The following ST6GAL1 variants were observed in gnomAD, a reference collection of about 807,000 sequenced individuals.
The protein encoded by ST6GAL1 is beta-galactoside alpha-2,6-sialyltransferase 1.
Under a neutral mutation model 38.0 loss-of-function variants are expected in ST6GAL1, and 20 were observed. The observed-to-expected ratio is 0.53, with a 90% CI of 0.37 to 0.77. The LOEUF is 0.77. Ranked by LOEUF, ST6GAL1 falls within the 30% of genes least tolerant of loss-of-function variation. ST6GAL1 has a pLI of 0.00. For missense variants in ST6GAL1, 432 were observed against 496.4 expected, an observed-to-expected ratio of 0.87 and a Z score of 1.23; for synonymous variants, 196 against 188.2, an observed-to-expected ratio of 1.04 and a Z score of -0.34.
At chr3:187,060,217 G>A (rs1718862234) in intron 5 of ST6GAL1, among the ~76,000 whole-genome samples, 1 of 152,188 alleles carries the variant, frequency 6.6e-6, no homozygotes, top group African/African-American at 2.4e-5. Context: ...CTGGAGTGCA[G>A]TGGCGCGATC....
chr3:187,037,228 A>T (rs955210457), intron 2 of ST6GAL1, among the ~76,000 whole-genome samples: 8 of 152,188 alleles, frequency 5.3e-5, no homozygotes, highest in African/African-American at 1.9e-4. Flanking sequence ...AATGAGTATT[A>T]TCATGTAGAA....
chr3:187,001,006 C>G (rs184852602), intron 2 of ST6GAL1, among the ~76,000 whole-genome samples: 230 of 152,264 alleles, frequency 1.5e-3, no homozygotes, highest in African/African-American at 5.4e-3. Flanking sequence ...TCAGGTGAGG[C>G]CATTGTTGGC....
At chr3:187,051,602 T>G in intron 5 of ST6GAL1, 1 of 417,226 alleles carries the variant, frequency 2.4e-6, no homozygotes, top group East Asian at 4.7e-5. Context: ...AGTTGAGCTG[T>G]CCTTGCTGCT....
chr3:187,000,573 T>G (rs938622754), intron 2 of ST6GAL1, among the ~76,000 whole-genome samples: 1 of 146,490 alleles, frequency 6.8e-6, no homozygotes, highest in African/African-American at 2.5e-5. Flanking sequence ...AAAAAAAAGT[T>G]TATTTTGTTT....
At chr3:187,066,669 TTTG>T (rs1719152586) in intron 5 of ST6GAL1, among the ~76,000 whole-genome samples, 1 of 152,042 alleles carries the variant, frequency 6.6e-6, no homozygotes, top group East Asian at 1.9e-4. Flanking sequence ...CCAGTGAGTA[TTTG>T]TTACTTTCTA....
intron 2 of ST6GAL1, among the ~76,000 whole-genome samples, chr3:187,008,675 T>C (rs1269815284): frequency 6.6e-6 from 1 of 152,166 alleles, no homozygotes; most frequent in Non-Finnish European, 1.5e-5. Flanking sequence ...AAGTTAAAAC[T>C]TGAGGAACAA....
At chr3:186,958,658 A>G (rs1195403889) in intron 1 of ST6GAL1, among the ~76,000 whole-genome samples, 1 of 152,166 alleles carries the variant, frequency 6.6e-6, no homozygotes, top group East Asian at 1.9e-4. Context: ...TGATTTAAAA[A>G]AGGGCTCAAT....
chr3:187,016,433 C>T (rs73071421), intron 2 of ST6GAL1, among the ~76,000 whole-genome samples: 3,604 of 152,214 alleles, frequency 0.024, 144 homozygotes, highest in African/African-American at 0.079. Flanking sequence ...GAGTGGAAGT[C>T]GACACTGGTG....
intron 2 of ST6GAL1, among the ~76,000 whole-genome samples, chr3:186,973,957 A>G (rs983134504): frequency 2.6e-5 from 4 of 152,202 alleles, no homozygotes; most frequent in Non-Finnish European, 4.4e-5. Flanking sequence ...AAAGAGAGAG[A>G]GACAAATGCT....
At chr3:186,955,663 CA>C (rs1714723058) in intron 1 of ST6GAL1, among the ~76,000 whole-genome samples, 1 of 152,032 alleles carries the variant, frequency 6.6e-6, no homozygotes, top group Admixed American at 6.6e-5. Flanking sequence ...CCACCATGCC[CA>C]GCTAATTTTT....
At chr3:187,066,374 G>A (rs1719130717) in intron 5 of ST6GAL1, among the ~76,000 whole-genome samples, 1 of 152,032 alleles carries the variant, frequency 6.6e-6, no homozygotes, top group African/African-American at 2.4e-5. Context: ...CTTGTTGTAA[G>A]GACACTGGCC....
At chr3:186,973,650 A>G (rs1358987950) in intron 2 of ST6GAL1, among the ~76,000 whole-genome samples, 1 of 152,160 alleles carries the variant, frequency 6.6e-6, no homozygotes, top group East Asian at 1.9e-4. Flanking sequence ...GCTGGTTTGT[A>G]GATTGTTGTG....
intron 1 of ST6GAL1, among the ~76,000 whole-genome samples, chr3:186,959,307 TAAAG>T (rs1403590632): frequency 6.6e-6 from 1 of 152,144 alleles, no homozygotes; most frequent in South Asian, 2.1e-4. Context: ...AAAGGGAAGA[TAAAG>T]AAAAGCCCCT....
chr3:187,014,993 C>T (rs900750417), intron 2 of ST6GAL1, among the ~76,000 whole-genome samples: 3 of 152,132 alleles, frequency 2.0e-5, no homozygotes, highest in East Asian at 3.8e-4. Context: ...ATTGATTCCA[C>T]GAATAAAAGG....
In ST6GAL1 at chr3:186,952,040, AAAGAAAAGAGGTTT is replaced by A; in HGVS notation, c.-324-11743_-324-11730del. ...GAAAACCTGAGACTGAGTAATTTAT[AAAGAAAAGAGGTTT>A]ATTTGGCTCATGATTCTGCAGGCTG... On this transcript the variant is annotated intron_variant, in intron 1 of 7. Coordinates refer to ENST00000169298, the MANE Select transcript of ST6GAL1 (RefSeq NM_173216.2). The surrounding 1 kb of genome is among the most constrained non-coding windows in gnomAD (Gnocchi z 4.1). 6.6e-6 allele frequency among the ~76,000 whole-genome samples: 1 copy of A among 152,342 alleles called. No homozygotes were observed. The highest frequency in any genetic ancestry group is 1.5e-5 in the Non-Finnish European group (1 of 68,032).
chr3:187,006,815 G>A (rs969594554), intron 2 of ST6GAL1, among the ~76,000 whole-genome samples: 3 of 152,092 alleles, frequency 2.0e-5, no homozygotes, highest in East Asian at 1.9e-4. Flanking sequence ...AAAGAGAATC[G>A]TGAAAAAAAT....
intron 5 of ST6GAL1, among the ~76,000 whole-genome samples, chr3:187,067,559 T>C (rs1719210789): frequency 6.6e-6 from 1 of 152,108 alleles, no homozygotes; most frequent in African/African-American, 2.4e-5. Flanking sequence ...CTGTTTCTCT[T>C]CTCTGGATAA....
At chr3:187,030,797 G>A (rs571767268) in intron 2 of ST6GAL1, among the ~76,000 whole-genome samples, 233 of 152,278 alleles carry the variant, frequency 1.5e-3, no homozygotes, top group African/African-American at 5.3e-3. Flanking sequence ...TTTCTAAGAG[G>A]CAGAGCTACT....
intron 2 of ST6GAL1, among the ~76,000 whole-genome samples, chr3:187,017,965 G>A (rs1232420188): frequency 6.6e-6 from 1 of 152,134 alleles, no homozygotes; most frequent in Non-Finnish European, 1.5e-5. Context: ...AGTAGAAATC[G>A]TTCCTGTTTT....
Sources: gnomAD v4.1 joint callset for allele counts (sites outside exome capture counted in the v4.1 genomes callset) on GRCh38, gnomAD v4.1.1 for gene constraint, Gnocchi (gnomAD v3.1) non-coding constraint, MANE v1.5 for transcripts, NCBI Gene and HGNC (gene_info 2026-07-23, HGNC 2026-07-21) for gene names.